Variants in CALN1 observed in about 807,000 individuals in gnomAD.
CALN1 encodes calcium-binding protein 8.
Under a neutral mutation model 30.6 loss-of-function variants are expected in CALN1, and 17 were observed. The ratio of observed to expected loss-of-function variants is 0.56; its 90% CI spans 0.38 to 0.83. The LOEUF (loss-of-function observed/expected upper bound fraction) is 0.83, where lower values mean the gene tolerates loss of function less well. Among genes scored for constraint, CALN1 ranks in the 40% least tolerant of loss-of-function variants. The pLI is 0.00. For synonymous variants in CALN1, 156 were observed against 131.4 expected, an observed-to-expected ratio of 1.19 and a Z score of -1.28; for missense variants, 291 against 354.9, an observed-to-expected ratio of 0.82 and a Z score of 1.45.
At chr7:72,405,121 C>T (rs1562952571) in intron 1 of CALN1, among the ~76,000 whole-genome samples, 1 of 152,124 alleles carries the variant, frequency 6.6e-6, no homozygotes, top group Non-Finnish European at 1.5e-5. Flanking sequence ...TGATGAGATA[C>T]GACAGGAAGG....
At chr7:72,498,445 T>C in the CALN1 span, among the ~76,000 whole-genome samples, 1 of 151,772 alleles carries the variant, frequency 6.6e-6, no homozygotes, top group Admixed American at 6.6e-5. Context: ...AAAGACACAT[T>C]ACATACAAGG....
chr7:72,478,908 G>A, the CALN1 span, among the ~76,000 whole-genome samples: 1 of 112,300 alleles, frequency 8.9e-6, no homozygotes, highest in African/African-American at 5.7e-5. Flanking sequence ...TTGAGATGAA[G>A]TCTTGTTCTG....
intron 3 of CALN1, among the ~76,000 whole-genome samples, chr7:72,209,021 C>CCTCT (rs1491335603): frequency 0.01 from 166 of 15,926 alleles, no homozygotes; most frequent in African/African-American, 0.045. Flanking sequence ...TCTTTCCTTC[C>CCTCT]TTCCCTCCTT....
At chr7:72,210,270 T>C (rs924327144) in intron 3 of CALN1, among the ~76,000 whole-genome samples, 1 of 152,120 alleles carries the variant, frequency 6.6e-6, no homozygotes, top group Non-Finnish European at 1.5e-5. Context: ...CCCACCCTAA[T>C]CAAGCTTCTC....
intron 5 of CALN1, among the ~76,000 whole-genome samples, chr7:72,018,798 A>G (rs1318447025): frequency 6.6e-6 from 1 of 152,164 alleles, no homozygotes; most frequent in Non-Finnish European, 1.5e-5. Flanking sequence ...ACTATAGGCT[A>G]GAACACCAGT....
At chr7:72,031,912 T>G (rs1170586396) in intron 4 of CALN1, among the ~76,000 whole-genome samples, 2 of 151,596 alleles carry the variant, frequency 1.3e-5, no homozygotes, top group African/African-American at 2.4e-5. Flanking sequence ...CAGCTCATTT[T>G]TTGTATTTTT....
chr7:72,302,480 C>A (rs115144619), intron 2 of CALN1, among the ~76,000 whole-genome samples: 1 of 152,290 alleles, frequency 6.6e-6, no homozygotes, highest in African/African-American at 2.4e-5. Flanking sequence ...CCAATCAAGA[C>A]AGAGGCTTAG....
At chr7:72,392,336 T>A (rs948079318) in intron 2 of CALN1, among the ~76,000 whole-genome samples, 12 of 152,164 alleles carry the variant, frequency 7.9e-5, no homozygotes, top group African/African-American at 2.9e-4. Flanking sequence ...AGGATGGTTG[T>A]TGGTTTATCC....
chr7:72,336,045 G>T (rs1206735201), intron 2 of CALN1, among the ~76,000 whole-genome samples: 1 of 152,128 alleles, frequency 6.6e-6, no homozygotes, highest in Non-Finnish European at 1.5e-5. Flanking sequence ...CCAGCTGCTT[G>T]GAGCTCAGAG....
intron 5 of CALN1, among the ~76,000 whole-genome samples, chr7:71,816,013 C>G (rs1788243831): frequency 6.7e-6 from 1 of 150,350 alleles, no homozygotes; most frequent in African/African-American, 2.5e-5. Context: ...GTGCATGACA[C>G]CAGACCTGGC....
chr7:72,302,441 G>A (rs1799336823), intron 2 of CALN1, among the ~76,000 whole-genome samples: 1 of 152,140 alleles, frequency 6.6e-6, no homozygotes, highest in Non-Finnish European at 1.5e-5. Context: ...GGACATCACA[G>A]GAAAAACTAA....
intron 5 of CALN1, among the ~76,000 whole-genome samples, chr7:71,888,816 G>C (rs1474482459): frequency 6.6e-6 from 1 of 152,146 alleles, no homozygotes; most frequent in African/African-American, 2.4e-5. Flanking sequence ...GAGGAGGGCA[G>C]GGGACCCAGA....
At chr7:72,446,041 C>A (rs762435150) in intron 1 of CALN1, among the ~76,000 whole-genome samples, 1 of 152,132 alleles carries the variant, frequency 6.6e-6, no homozygotes, top group Non-Finnish European at 1.5e-5. Flanking sequence ...TAGAACCCTG[C>A]CTCTAAGCCA....
At chr7:72,294,626 G>A (rs1279688075) in intron 2 of CALN1, among the ~76,000 whole-genome samples, 4 of 151,946 alleles carry the variant, frequency 2.6e-5, no homozygotes, top group African/African-American at 4.8e-5. Flanking sequence ...GTGCGCACCT[G>A]TAGTCTCAGC....
At chr7:72,015,553 C>T (rs1044392202) in intron 5 of CALN1, among the ~76,000 whole-genome samples, 5 of 152,186 alleles carry the variant, frequency 3.3e-5, no homozygotes, top group African/African-American at 1.2e-4. Flanking sequence ...AATGTCCTCA[C>T]CTCAGCCTCC....
At chr7:72,320,147 G>A (rs1004573560) in intron 2 of CALN1, among the ~76,000 whole-genome samples, 2 of 151,942 alleles carry the variant, frequency 1.3e-5, no homozygotes, top group African/African-American at 2.4e-5. Flanking sequence ...AAAAAACAAA[G>A]AGCAGACTGT....
chr7:72,019,097 C>T (rs763764337), intron 5 of CALN1, among the ~76,000 whole-genome samples: 1 of 151,860 alleles, frequency 6.6e-6, no homozygotes, highest in Admixed American at 6.6e-5. Context: ...CTGATCCGCC[C>T]ACCTCGGCCT....
intron 3 of CALN1, among the ~76,000 whole-genome samples, chr7:72,267,655 A>C (rs1440567851): frequency 6.6e-6 from 1 of 152,214 alleles, no homozygotes; most frequent in Non-Finnish European, 1.5e-5. Context: ...CTGGTTATGT[A>C]ACCTTGGACA....
chr7:72,407,978 G>A (rs1046950031), intron 1 of CALN1, among the ~76,000 whole-genome samples: 3 of 152,160 alleles, frequency 2.0e-5, no homozygotes, highest in Admixed American at 1.3e-4. Context: ...CAAGAAGGGA[G>A]ACTTTGATTC....
Sources: gnomAD v4.1 joint callset for allele counts (sites outside exome capture counted in the v4.1 genomes callset) on GRCh38, gnomAD v4.1.1 for gene constraint, MANE v1.5 for transcripts, NCBI Gene and HGNC (gene_info 2026-07-23, HGNC 2026-07-21) for gene names.